The following KCTD1 variants were observed in gnomAD, a reference collection of about 807,000 sequenced individuals.
KCTD1 encodes the protein potassium channel tetramerization domain containing 1, also known as BTB/POZ domain-containing protein KCTD1.
In KCTD1, 24 loss-of-function variants were observed where a neutral mutation model predicts 66.0. The observed-to-expected ratio is 0.36, with a 90% CI of 0.26 to 0.51. The LOEUF (loss-of-function observed/expected upper bound fraction) is 0.51, where lower values mean the gene tolerates loss of function less well. KCTD1 is among the 20% of genes least tolerant of loss of function. The pLI is 0.95. For missense variants in KCTD1, 943 were observed against 1,205.2 expected, an observed-to-expected ratio of 0.78 and a Z score of 3.22; for synonymous variants, 511 against 517.2, an observed-to-expected ratio of 0.99 and a Z score of 0.16.
At chr18:26,490,000 G>GC (rs1237516173) in intron 2 of KCTD1, among the ~76,000 whole-genome samples, 2 of 152,110 alleles carry the variant, frequency 1.3e-5, no homozygotes, top group Admixed American at 6.5e-5. Flanking sequence ...AAAAAACAGA[G>GC]CAAAAATGCC....
chr18:26,589,096 A>G (rs996252886), intron 1 of KCTD1, among the ~76,000 whole-genome samples: 1 of 152,096 alleles, frequency 6.6e-6, no homozygotes, highest in African/African-American at 2.4e-5. Flanking sequence ...ATGAAGGGAG[A>G]TACCTGCATG....
At chr18:26,657,116 T>TGCTCG (rs1988172121) in intron 1 of KCTD1, among the ~76,000 whole-genome samples, 3 of 151,128 alleles carry the variant, frequency 2.0e-5, no homozygotes, top group Non-Finnish European at 4.4e-5. Context: ...CGCCCTGCTC[T>TGCTCG]CGCCAGCTCC....
Position 26,501,188 on chromosome 18 carries a change from G to C in KCTD1, c.1872C>G (p.Asn624Lys). 1.2e-6 allele frequency: 2 copies of C among 1,614,196 alleles called. No individual in the cohort carries two copies. Among genetic ancestry groups the C allele is most frequent in the Non-Finnish European group, 1.7e-6 (2 of 1,180,032 alleles). Residue 624 changes from asparagine to lysine, a missense_variant, in exon 2 of 5, where the codon AAC becomes AAG. Coordinates refer to ENST00000580059, the MANE Select transcript of KCTD1 (RefSeq NM_001142730.3). ...ITRSPASPLN[N>K]QGIPTPAQLT... ...GTTGTGCTGGAGTAGGGATGCCTTG[G>C]TTGTTCAGTGGAGATGCAGGGGATC...
rs111362711 is a variant in KCTD1 at position 26,467,772 on chromosome 18, A to T, written c.2134-7847T>A. ...GAAGGTTGCAGTGAGCCGAGATTGC[A>T]CCATTGCACTCCAGCCTGGGTGACA... On this transcript the variant is annotated intron_variant, in intron 3 of 4. Transcript: ENST00000580059. 4.8e-3 allele frequency among the ~76,000 whole-genome samples: 731 copies of T among 152,070 alleles called. 5 individuals carry two copies. Among genetic ancestry groups the T allele is most frequent in the African/African-American group, 0.017 (702 of 41,458 alleles).
intron 3 of KCTD1, among the ~76,000 whole-genome samples, chr18:26,471,432 A>G (rs1981056419): frequency 6.6e-6 from 1 of 152,050 alleles, no homozygotes; most frequent in South Asian, 2.1e-4. Context: ...ACTAACTTTA[A>G]TTCTTGAAAA....
chr18:26,508,374 T>A (rs1983157576), intron 1 of KCTD1, among the ~76,000 whole-genome samples: 1 of 152,170 alleles, frequency 6.6e-6, no homozygotes, highest in Non-Finnish European at 1.5e-5. Flanking sequence ...AGAAGAAAAA[T>A]CTGCCTTCTA....
rs540294079 is a variant in KCTD1 at position 26,621,591 on chromosome 18, C to T, written c.-16+7556G>A. Among the ~76,000 whole-genome samples, 313 of 152,220 alleles carry T rather than the reference C, an allele frequency of 2.1e-3. 1 individual carries two copies. Among genetic ancestry groups the T allele is most frequent in the Non-Finnish European group, 3.7e-3 (252 of 68,024 alleles). On this transcript the variant is annotated intron_variant, in intron 1 of 4. Coordinates refer to the KCTD1 transcript ENST00000317932. ...TCATCTTCGCCCCACCCCGAGCCGT[C>T]CTAAGGAAATGCACTAATAGGAAAC...
chr18:26,644,776 G>A (rs1987901673), upstream of KCTD1, among the ~76,000 whole-genome samples: 1 of 151,660 alleles, frequency 6.6e-6, no homozygotes, highest in African/African-American at 2.4e-5. Context: ...AAGAGAGAGA[G>A]AGAGAGAGAG....
rs549818359 is a variant in KCTD1 at position 26,600,666 on chromosome 18, C to T, written c.-16+28481G>A. Among the ~76,000 whole-genome samples, 24 of 152,152 alleles carry T rather than the reference C, an allele frequency of 1.6e-4. 1 individual carries two copies. The East Asian group carries it at 4.3e-3, about 27-fold the overall frequency. On this transcript the variant is annotated intron_variant, in intron 1 of 4. Coordinates refer to the KCTD1 transcript ENST00000317932. ...TGACCAGAACACTCTTGAGCCCAGG[C>T]ATCCTTGAGCATTAACACTCTAACA...
chr18:26,519,253 G>A (rs890790792), intron 1 of KCTD1, among the ~76,000 whole-genome samples: 2 of 152,142 alleles, frequency 1.3e-5, no homozygotes, highest in Non-Finnish European at 2.9e-5. Flanking sequence ...GAATCCTCAT[G>A]TAAATGAAAA....
At chr18:26,489,044 C>G (rs1016049344) in intron 2 of KCTD1, among the ~76,000 whole-genome samples, 2 of 152,194 alleles carry the variant, frequency 1.3e-5, no homozygotes, top group African/African-American at 4.8e-5. Context: ...ACACCTGACT[C>G]TCATCCCCTG....
chr18:26,543,466 A>C (rs1182991348), intron 1 of KCTD1: 1 of 152,266 alleles, frequency 6.6e-6, no homozygotes, highest in Non-Finnish European at 1.5e-5. Context: ...TTCACTATTA[A>C]GTAGATACAT....
upstream of KCTD1, among the ~76,000 whole-genome samples, chr18:26,629,724 C>CTT (rs11379360): frequency 0.24 from 34,979 of 144,910 alleles, 4,425 homozygotes; most frequent in East Asian, 0.37. Context: ...ACCCCCCCGC[C>CTT]TTTTTTTTTT....
chr18:26,469,959 C>T (rs1329298456), intron 3 of KCTD1, among the ~76,000 whole-genome samples: 2 of 152,010 alleles, frequency 1.3e-5, no homozygotes, highest in African/African-American at 4.8e-5. Context: ...AACAAAAAGG[C>T]CCTGCCTGCA....
chr18:26,488,776 G>A (rs974701639), intron 2 of KCTD1, among the ~76,000 whole-genome samples: 16 of 152,172 alleles, frequency 1.1e-4, no homozygotes, highest in South Asian at 4.1e-4. Context: ...AAACAGCAAT[G>A]TTATTACTAA....
intron 1 of KCTD1, among the ~76,000 whole-genome samples, chr18:26,509,622 T>C (rs181285460): frequency 1.3e-5 from 2 of 152,200 alleles, no homozygotes; most frequent in East Asian, 3.9e-4. Context: ...AATTAAGTCA[T>C]CCAAAGATCA....
At chr18:26,544,920 C>T (rs1445946530) in intron 1 of KCTD1, 3 of 152,154 alleles carry the variant, frequency 2.0e-5, no homozygotes, top group Non-Finnish European at 2.9e-5. Flanking sequence ...CTATATTTAA[C>T]TTAGGAGTTA....
intron 1 of KCTD1, among the ~76,000 whole-genome samples, chr18:26,594,057 C>T (rs1986711496): frequency 1.3e-5 from 2 of 152,222 alleles, no homozygotes; most frequent in African/African-American, 4.8e-5. Context: ...GAAGAAATCA[C>T]ATTAGCATAA....
chr18:26,517,825 T>A (rs1266465404), intron 1 of KCTD1, among the ~76,000 whole-genome samples: 1 of 152,228 alleles, frequency 6.6e-6, no homozygotes, highest in Admixed American at 6.5e-5. Flanking sequence ...AATTGCCCAG[T>A]CTCAGATATG....
Sources: allele counts gnomAD v4.1 joint callset (sites outside exome capture counted in the v4.1 genomes callset), GRCh38; gene constraint gnomAD v4.1.1; transcripts MANE v1.5; gene names NCBI Gene and HGNC (gene_info 2026-07-23, HGNC 2026-07-21).